Variants in EXOC4 observed in about 807,000 individuals in gnomAD.
EXOC4 encodes the protein SEC8-like 1.
Under a neutral mutation model 107.2 loss-of-function variants are expected in EXOC4, and 71 were observed. The observed-to-expected ratio is 0.66, with a 90% CI of 0.55 to 0.81. The LOEUF is 0.81. EXOC4 is among the 30% of genes least tolerant of loss of function. The pLI is 0.00. For synonymous variants in EXOC4, 456 were observed against 441.2 expected, an observed-to-expected ratio of 1.03 and a Z score of -0.42; for missense variants, 1,108 against 1,189.6, an observed-to-expected ratio of 0.93 and a Z score of 1.01.
At chr7:133,489,798 A>ATG (rs1563084946) in intron 9 of EXOC4, among the ~76,000 whole-genome samples, 1 of 152,110 alleles carries the variant, frequency 6.6e-6, no homozygotes, top group African/African-American at 2.4e-5. Flanking sequence ...GGGACCATAA[A>ATG]TGTGTCACTT....
chr7:133,590,663 G>T (rs1445306859), intron 9 of EXOC4, among the ~76,000 whole-genome samples: 1 of 152,180 alleles, frequency 6.6e-6, no homozygotes, highest in Non-Finnish European at 1.5e-5. Context: ...CTTCGGGGAA[G>T]AGTTTGGCTG....
intron 7 of EXOC4, among the ~76,000 whole-genome samples, chr7:133,383,527 T>C (rs1428979024): frequency 1.3e-5 from 2 of 152,186 alleles, no homozygotes; most frequent in African/African-American, 4.8e-5. Context: ...AAATGTTTAG[T>C]GATAAAATTA....
intron 11 of EXOC4, among the ~76,000 whole-genome samples, chr7:133,839,433 T>C (rs1797981703): frequency 1.3e-5 from 2 of 152,228 alleles, no homozygotes; most frequent in African/African-American, 2.4e-5. Context: ...ATAATGACAG[T>C]GTAGCATATT....
At chr7:133,314,129 G>A (rs1794938701) in intron 4 of EXOC4, among the ~76,000 whole-genome samples, 1 of 152,016 alleles carries the variant, frequency 6.6e-6, no homozygotes, top group Non-Finnish European at 1.5e-5. Context: ...TCCCTTCTCA[G>A]CTTTATCTCT....
At chr7:133,374,728 A>G in intron 6 of EXOC4, 100 bp from the exon 7 acceptor site, 1 of 927,474 alleles carries the variant, frequency 1.1e-6, no homozygotes. Context: ...TTTACATTGT[A>G]GAATGCTACT....
chr7:133,255,638 G>A (rs773651496), intron 1 of EXOC4, among the ~76,000 whole-genome samples: 18 of 152,246 alleles, frequency 1.2e-4, no homozygotes, highest in Non-Finnish European at 1.9e-4. Context: ...ACCGAATGGT[G>A]TTGGTGTTTG....
In EXOC4 at chr7:133,507,878, A is replaced by G. The variant is rs950146145; in HGVS notation, c.1417+27740A>G. Among the ~76,000 whole-genome samples the G allele has an allele frequency of 3.9e-5, 6 of 152,166 alleles. No homozygotes were observed. The South Asian group carries it at 8.3e-4, about 21-fold the overall frequency. ...GGAGTTCAAAACCAGCTGTGCCAGC[A>G]TGGTGAAACCTTGTGTCTACTAAAA... On this transcript the variant is annotated intron_variant, in intron 9 of 17. Transcript: ENST00000253861.
chr7:133,366,209 C>T (rs1390284320), intron 6 of EXOC4, among the ~76,000 whole-genome samples: 1 of 152,192 alleles, frequency 6.6e-6, no homozygotes, highest in African/African-American at 2.4e-5. Flanking sequence ...TAGCTTTACA[C>T]TGTTGATGCT....
intron 7 of EXOC4, among the ~76,000 whole-genome samples, chr7:133,470,940 C>A (rs1055076880): frequency 6.6e-6 from 1 of 152,050 alleles, no homozygotes; most frequent in South Asian, 2.1e-4. Flanking sequence ...AGAATATATA[C>A]AATTTGGAAG....
intron 9 of EXOC4, among the ~76,000 whole-genome samples, chr7:133,486,555 C>A (rs1249271878): frequency 6.6e-6 from 1 of 152,132 alleles, no homozygotes; most frequent in Non-Finnish European, 1.5e-5. Flanking sequence ...TTAGAAAATT[C>A]TTTGTTGCCT....
chr7:133,492,144 G>A (rs991901447), intron 9 of EXOC4, among the ~76,000 whole-genome samples: 2 of 152,162 alleles, frequency 1.3e-5, no homozygotes, highest in African/African-American at 2.4e-5. Flanking sequence ...TGTGGAGAAT[G>A]AATTGAGTGG....
At chr7:133,710,628 C>G (rs1460527844) in intron 10 of EXOC4, among the ~76,000 whole-genome samples, 1 of 146,384 alleles carries the variant, frequency 6.8e-6, no homozygotes, top group African/African-American at 2.5e-5. Context: ...CCACTGCACT[C>G]CAGCCTGGGC....
chr7:133,341,589 G>A (rs1235221078), intron 5 of EXOC4, among the ~76,000 whole-genome samples: 3 of 152,158 alleles, frequency 2.0e-5, no homozygotes, highest in African/African-American at 7.2e-5. Flanking sequence ...TTTCTTTGTT[G>A]AGTTTCTGTC....
chr7:133,884,581 CTGTG>C (rs34350149), intron 11 of EXOC4, among the ~76,000 whole-genome samples: 7,862 of 143,600 alleles, frequency 0.055, 264 homozygotes, highest in Non-Finnish European at 0.063. Context: ...GCCCTATGCT[CTGTG>C]TGTGTGTGTG....
the EXOC4 span, among the ~76,000 whole-genome samples, chr7:134,097,443 T>C: frequency 6.6e-6 from 1 of 152,022 alleles, no homozygotes. Context: ...CTCTCCCTAA[T>C]GGAGAAAAGC....
At chr7:133,273,937 A>G (rs1009940100) in intron 1 of EXOC4, among the ~76,000 whole-genome samples, 4 of 152,240 alleles carry the variant, frequency 2.6e-5, no homozygotes, top group African/African-American at 4.8e-5. Context: ...AGGGAATTTA[A>G]TGAAACTCTA....
chr7:133,913,081 A>G (rs1237572429), intron 12 of EXOC4, among the ~76,000 whole-genome samples: 2 of 152,166 alleles, frequency 1.3e-5, no homozygotes, highest in East Asian at 3.9e-4. Context: ...GATGAGAAAA[A>G]GGCTTTCTAG....
At chr7:133,660,025 C>T (rs1423927995) in intron 10 of EXOC4, among the ~76,000 whole-genome samples, 3 of 152,184 alleles carry the variant, frequency 2.0e-5, no homozygotes, top group African/African-American at 7.2e-5. Flanking sequence ...ACACCATCAG[C>T]CACCAACCTG....
At chr7:133,825,401 AG>A (rs752422869) in intron 11 of EXOC4, among the ~76,000 whole-genome samples, 9 of 152,218 alleles carry the variant, frequency 5.9e-5, no homozygotes, top group African/African-American at 1.9e-4. Context: ...TATTCTGTTA[AG>A]GCAGTAGGCC....
Sources: gnomAD v4.1 joint callset for allele counts (sites outside exome capture counted in the v4.1 genomes callset) on GRCh38, gnomAD v4.1.1 for gene constraint, MANE v1.5 for transcripts, NCBI Gene and HGNC (gene_info 2026-07-23, HGNC 2026-07-21) for gene names.